WDR20: variants seen among roughly 807,000 people sequenced by gnomAD.
The protein encoded by WDR20 is WD repeat domain 20.
A neutral mutation model predicts 38.7 loss-of-function variants in WDR20; 3 were observed. The observed-to-expected ratio is 0.08, with a 90% confidence interval of 0.04 to 0.20. The LOEUF (loss-of-function observed/expected upper bound fraction) is 0.20. Ranked by LOEUF, WDR20 falls within the 10% of genes least tolerant of loss-of-function variation. The pLI is 1.00. For synonymous variants in WDR20, 298 were observed against 285.6 expected (o/e 1.04, Z -0.44); for missense variants, 559 against 727.7 (o/e 0.77, Z 2.67).
chr14:102,204,087 G>A (rs571937649), intron 2 of WDR20, among the ~76,000 whole-genome samples: 1 of 152,286 alleles, frequency 6.6e-6, no homozygotes, highest in South Asian at 2.1e-4. Context: ...TCCTTAGAAC[G>A]CTTGGGAGTG....
At position 102,209,031 on chromosome 14, in the gene WDR20, A is replaced by G. The variant is rs753432869; in HGVS notation, c.861A>G (p.Thr287=). 6.2e-7 allele frequency: 1 copy of G among 1,614,160 alleles called. No homozygotes were observed. The highest frequency in any genetic ancestry group is 8.5e-7 in the Non-Finnish European group (1 of 1,180,026). ...IVTGGEDDLV[T]VWSFVDCRVI... ...CAGGTGGGGAGGACGACTTGGTGAC[A>G]GTCTGGTCCTTTGTAGACTGCCGAG... Residue 287 remains threonine, a synonymous_variant, in exon 3 of 3, where the codon ACA becomes ACG. Coordinates refer to ENST00000342702, the MANE Select transcript of WDR20 (RefSeq NM_144574.4). This position sits in a 1 kb window ranked among gnomAD's most constrained non-coding sequence, Gnocchi z 6.0.
intron 1 of WDR20, among the ~76,000 whole-genome samples, chr14:102,144,275 G>T (rs1011536204): frequency 1.3e-5 from 2 of 152,088 alleles, no homozygotes; most frequent in African/African-American, 4.8e-5. Flanking sequence ...CTGAGGTCAG[G>T]AGTTTGAGAC....
chr14:102,199,186 T>C (rs1195486661), intron 2 of WDR20, among the ~76,000 whole-genome samples: 1 of 151,832 alleles, frequency 6.6e-6, no homozygotes, highest in Non-Finnish European at 1.5e-5. Flanking sequence ...GGACACCAGC[T>C]CTGCCACTTT....
rs1312948089 is a variant in WDR20 at position 102,143,836 on chromosome 14, C to T, written c.249+3664C>T. 2.0e-5 allele frequency among the ~76,000 whole-genome samples: 3 copies of T among 151,772 alleles called. No homozygotes were observed. The East Asian group carries it at 5.9e-4, about 30-fold the overall frequency. On this transcript the variant is annotated intron_variant, in intron 1 of 2. Transcript: ENST00000342702. The stretch of plus-strand genomic sequence containing the variant: ...GGGATTACAGGCGTGAGCCACTGCG[C>T]CCGGCCGTAAACATCTTTATTACAT...
intron 2 of WDR20, among the ~76,000 whole-genome samples, chr14:102,200,454 T>A (rs1037836703): frequency 2.4e-5 from 3 of 125,376 alleles, no homozygotes; most frequent in Admixed American, 8.2e-5. Context: ...GTTTACTTTT[T>A]AAATTTTTTT....
intron 2 of WDR20, among the ~76,000 whole-genome samples, chr14:102,200,157 A>T (rs1343749711): frequency 6.6e-6 from 1 of 152,242 alleles, no homozygotes; most frequent in Non-Finnish European, 1.5e-5. Context: ...AAGAAAGTCG[A>T]ATGCCCAGTC....
chr14:102,192,970 G>A (rs2058758651), intron 1 of WDR20, among the ~76,000 whole-genome samples: 1 of 150,768 alleles, frequency 6.6e-6, no homozygotes, highest in Non-Finnish European at 1.5e-5. Context: ...ACCACACCTA[G>A]CTGATTTTTT....
chr14:102,192,621 A>G (rs1053314935), intron 1 of WDR20, among the ~76,000 whole-genome samples: 15 of 152,224 alleles, frequency 9.9e-5, no homozygotes, highest in African/African-American at 3.6e-4. Context: ...GGGGTCCCTA[A>G]GTCTAACTCT....
chr14:102,156,425 C>T (rs1463352944), intron 1 of WDR20, among the ~76,000 whole-genome samples: 1 of 152,092 alleles, frequency 6.6e-6, no homozygotes, highest in Admixed American at 6.5e-5. Context: ...GCCTCGGCCT[C>T]CCAAAGTGCT....
In WDR20 at chr14:102,140,168, G is replaced by T; in HGVS notation, c.245G>T (p.Arg82Leu). The T allele has an allele frequency of 1.2e-6, 2 of 1,611,598 alleles. No homozygotes were observed. Among genetic ancestry groups the T allele is most frequent in the South Asian group, 1.1e-5 (1 of 91,068 alleles). The change falls in exon 1 of 3, where the codon CGC becomes CTC. Residue 82 changes from arginine (R) to leucine (L), a missense_variant. Arg to Leu is a moderately radical substitution (Grantham distance 102). Transcript: ENST00000342702. The part of the protein sequence containing the change: ...ELYFYIYKGV[R>L]KAADLSKPID... ...TACTTCTATATCTACAAGGGGGTCC[G>T]CAAGGTACCGACCCGGGCGTCACCG...
At chr14:102,173,151 C>A (rs1033215714) in intron 1 of WDR20, among the ~76,000 whole-genome samples, 3 of 151,368 alleles carry the variant, frequency 2.0e-5, no homozygotes, top group African/African-American at 7.3e-5. Flanking sequence ...CTTATTCTGT[C>A]GCGCAGGCTG....
At chr14:102,153,740 T>A (rs1428989687) in intron 1 of WDR20, among the ~76,000 whole-genome samples, 1 of 152,212 alleles carries the variant, frequency 6.6e-6, no homozygotes, top group Non-Finnish European at 1.5e-5. Context: ...AACTGCTTCC[T>A]CTACTAGGAA....
intron 2 of WDR20, 64 bp downstream of exon 2, chr14:102,195,184 G>T (rs2059200462): frequency 6.4e-7 from 1 of 1,557,106 alleles, no homozygotes; most frequent in Admixed American, 1.9e-5. Flanking sequence ...CTTACCGAGG[G>T]TAGTCGGCCT....
At chr14:102,197,827 G>A in intron 2 of WDR20, 1 of 702,860 alleles carries the variant, frequency 1.4e-6, no homozygotes, top group Middle Eastern at 2.3e-4. Flanking sequence ...GACCAGTGAG[G>A]AGGCTCTAGT....
chr14:102,158,765 C>T (rs140404062), intron 1 of WDR20, among the ~76,000 whole-genome samples: 3 of 152,200 alleles, frequency 2.0e-5, no homozygotes, highest in Non-Finnish European at 4.4e-5. Context: ...TACCGGATGC[C>T]TTCCCTTCTA....
intron 1 of WDR20, among the ~76,000 whole-genome samples, chr14:102,144,205 A>G (rs191866287): frequency 1.8e-3 from 281 of 152,028 alleles, no homozygotes; most frequent in South Asian, 8.3e-3. Flanking sequence ...GAGTGGGGCT[A>G]TGCGCCATGG....
intron 1 of WDR20, among the ~76,000 whole-genome samples, chr14:102,189,046 C>G (rs2065630072): frequency 6.7e-6 from 1 of 149,640 alleles, no homozygotes; most frequent in East Asian, 2.2e-4. Flanking sequence ...CCCGTCTCTA[C>G]AAAAAATACA....
At chr14:102,172,176 A>T (rs1309590858) in intron 1 of WDR20, among the ~76,000 whole-genome samples, 1 of 151,166 alleles carries the variant, frequency 6.6e-6, no homozygotes, top group Non-Finnish European at 1.5e-5. Context: ...TAATCCATTT[A>T]ACCCTGAGTG....
intron 1 of WDR20, among the ~76,000 whole-genome samples, chr14:102,159,168 C>G (rs1162028034): frequency 2.0e-5 from 3 of 152,054 alleles, no homozygotes; most frequent in African/African-American, 7.3e-5. Flanking sequence ...TGGTCTTGAA[C>G]TCCTGGGCTC....
Sources: gnomAD v4.1 joint callset for allele counts (sites outside exome capture counted in the v4.1 genomes callset) on GRCh38, gnomAD v4.1.1 for gene constraint, Gnocchi (gnomAD v3.1) non-coding constraint, MANE v1.5 for transcripts, NCBI Gene and HGNC (gene_info 2026-07-23, HGNC 2026-07-21) for gene names.